The following GOLGA6L9 variants were observed in gnomAD, a reference collection of about 807,000 sequenced individuals.
GOLGA6L9 encodes golgin subfamily A member 6-like protein 9.
GOLGA6L9 carries 19 observed loss-of-function variants against 51.3 expected under a neutral mutation model. The ratio of observed to expected loss-of-function variants is 0.37; its 90% CI spans 0.26 to 0.54. GOLGA6L9 has a LOEUF of 0.54. Ranked by LOEUF, GOLGA6L9 falls within the 20% of genes least tolerant of loss-of-function variation. The probability of loss-of-function intolerance (pLI) is 0.83; values close to 1 mark genes in which losing one functional copy is unlikely to be tolerated. For synonymous variants in GOLGA6L9, 97 were observed against 184.2 expected, an observed-to-expected ratio of 0.53 and a Z score of 3.83; for missense variants, 247 against 464.1, an observed-to-expected ratio of 0.53 and a Z score of 4.30.
At chr15:82,424,422 A>C in the GOLGA6L9 span, among the ~76,000 whole-genome samples, 17 of 152,340 alleles carry the variant, frequency 1.1e-4, no homozygotes, top group Admixed American at 9.8e-4. Flanking sequence ...CAGGTGAATA[A>C]AACCTTGAGC....
Position 82,429,890 on chromosome 15 carries a change from T to G in GOLGA6L9, c.-190T>G, listed in dbSNP as rs2031347684. ...TTCCTTATGATGCTACAGGTCCCTC[T>G]GGACATGCTGCGCCTGGCCACGCCT... On this transcript the variant is annotated 5_prime_UTR_variant, in exon 1 of 9. Transcript: ENST00000618348. 1 of 770,020 alleles carries G rather than the reference T, an allele frequency of 1.3e-6. No homozygotes were observed. The highest frequency in any genetic ancestry group is 1.7e-5 in the African/African-American group (1 of 58,152). 47.7% of individuals were successfully genotyped at this position (770,020 alleles called of 1,614,324 possible).
rs1012544001 is a variant in GOLGA6L9 at position 82,438,289 on chromosome 15, G to C, written c.*1878G>C. On this transcript the variant is annotated 3_prime_UTR_variant, in exon 9 of 9. Coordinates refer to ENST00000618348, the MANE Select transcript of GOLGA6L9 (RefSeq NM_198181.4). ...ACAATAATGTGTTCATCAGGTACCT[G>C]TGGATTAAATCACATACTGGCATAT... 1.3e-5 allele frequency: 2 copies of C among 149,854 alleles called. No homozygotes were observed. Among genetic ancestry groups the C allele is most frequent in the African/African-American group, 2.5e-5 (1 of 40,608 alleles). 9.3% of individuals were successfully genotyped at this position (149,854 alleles called of 1,614,324 possible).
At chr15:82,430,309 G>A in intron 1 of GOLGA6L9, 146 bp downstream of exon 1, 1 of 306,402 alleles carries the variant, frequency 3.3e-6, no homozygotes, top group Non-Finnish European at 5.6e-6. Flanking sequence ...CCAAAGCCTA[G>A]TCAGTCAGCC....
At chr15:82,427,338 C>G (rs559398), upstream of GOLGA6L9, among the ~76,000 whole-genome samples, 1 of 105,952 alleles carries the variant, frequency 9.4e-6, no homozygotes, top group Non-Finnish European at 1.9e-5. Context: ...TTTTCTTTCT[C>G]TCTTTTTCTT....
At position 82,429,878 on chromosome 15, in the gene GOLGA6L9, T is replaced by C. The variant is rs458677; in HGVS notation, c.-202T>C. 3.2e-3 allele frequency: 2,407 copies of C among 752,258 alleles called. 76 individuals carry two copies. In the African/African-American group the frequency reaches 0.037, roughly 11 times the overall value. The allele number at this position is 752,258 out of a possible 1,614,324, so 46.6% of individuals were successfully genotyped here. A position where few individuals can be genotyped will look rare whatever the true frequency, so the allele number is the denominator to read the frequency against. On this transcript the variant is annotated 5_prime_UTR_variant, in exon 1 of 9. Coordinates refer to ENST00000618348, the MANE Select transcript of GOLGA6L9 (RefSeq NM_198181.4). Reference sequence around the variant, plus strand: ...GCATGGGCAGCTTTCCTTATGATGCTACAGGTCCCTCTGGACATGCTGCGC... The same window carrying C: ...GCATGGGCAGCTTTCCTTATGATGCCACAGGTCCCTCTGGACATGCTGCGC...
Position 82,434,022 on chromosome 15 carries a change from T to G in GOLGA6L9, c.434-12T>G, listed in dbSNP as rs1454173257. ...GAATCCAGAGGCCCTTATTCTCTGC[T>G]TGCTTTCTCAGCTGAACCCCTGGCC... On this transcript the variant is annotated splice_polypyrimidine_tract_variant and intron_variant, in intron 5 of 8. Transcript: ENST00000618348. 1.1e-5 allele frequency: 17 copies of G among 1,534,060 alleles called. No individual in the cohort carries two copies. The African/African-American group carries it at 2.1e-4, about 19-fold the overall frequency.
upstream of GOLGA6L9, among the ~76,000 whole-genome samples, chr15:82,427,665 T>C (rs1293027361): frequency 6.6e-6 from 1 of 152,074 alleles, no homozygotes; most frequent in African/African-American, 2.4e-5. Flanking sequence ...TAGCTAGGAC[T>C]ACAGCTGTGT....
In GOLGA6L9 at chr15:82,434,039, C is replaced by G; in HGVS notation, c.439C>G (p.Pro147Ala). 5 of 1,528,076 alleles carry G rather than the reference C, an allele frequency of 3.3e-6. No individual in the cohort carries two copies. The highest frequency in any genetic ancestry group is 4.3e-6 in the Non-Finnish European group (5 of 1,152,246). 94.7% of individuals were successfully genotyped at this position (1,528,076 alleles called of 1,614,324 possible). A position where few individuals can be genotyped will look rare whatever the true frequency, so the allele number is the denominator to read the frequency against. The change falls in exon 6 of 9, where the codon CCC (proline) becomes GCC (alanine). Residue 147 changes from proline (P) to alanine (A), a missense_variant. Coordinates refer to ENST00000618348, the MANE Select transcript of GOLGA6L9 (RefSeq NM_198181.4). ...LFKLKNQTAE[P>A]LAPQPPAGPS... Reference sequence around the variant, plus strand: ...TTCTCTGCTTGCTTTCTCAGCTGAACCCCTGGCCCCACAGCCCCCAGCAGG... The same window carrying G: ...TTCTCTGCTTGCTTTCTCAGCTGAAGCCCTGGCCCCACAGCCCCCAGCAGG...
the GOLGA6L9 span, among the ~76,000 whole-genome samples, chr15:82,418,077 A>G: frequency 1.3e-5 from 2 of 152,224 alleles, no homozygotes; most frequent in Non-Finnish European, 2.9e-5. Flanking sequence ...CAAGTGGGAA[A>G]GACACTTGCT....
chr15:82,436,658 T>C lies in GOLGA6L9; in HGVS notation c.*247T>C. 2 of 315,338 alleles carry C rather than the reference T, an allele frequency of 6.3e-6. No individual in the cohort carries two copies. Among genetic ancestry groups the C allele is most frequent in the Admixed American group, 9.9e-5 (2 of 20,104 alleles). The allele number at this position is 315,338 out of a possible 1,614,324, so 19.5% of individuals were successfully genotyped here. On this transcript the variant is annotated 3_prime_UTR_variant, in exon 9 of 9. Transcript: ENST00000618348. ...TTTCTAATTTATAATTTAAATTTAT[T>C]TGTAAAAAGTTAAATGAGAGTGGGT... is the stretch of plus-strand genomic sequence containing the variant.
the GOLGA6L9 span, among the ~76,000 whole-genome samples, chr15:82,416,163 G>A: frequency 6.6e-6 from 1 of 152,168 alleles, no homozygotes. Flanking sequence ...TAGGTGAAGA[G>A]TAAGCGCAAT....
At chr15:82,433,850 G>C (rs465935) in intron 5 of GOLGA6L9, among the ~76,000 whole-genome samples, 184 bp from the exon 6 acceptor site, 14,756 of 81,964 alleles carry the variant, frequency 0.18, 35 homozygotes, top group East Asian at 0.37. Flanking sequence ...CCCATTGTCA[G>C]CCACCCACAG....
rs2031771888 is a variant in GOLGA6L9 at position 82,438,065 on chromosome 15, C to T, written c.*1654C>T. 6.6e-6 allele frequency: 1 copy of T among 150,838 alleles called. No individual in the cohort carries two copies. The highest frequency in any genetic ancestry group is 1.5e-5 in the Non-Finnish European group (1 of 67,748). The allele number at this position is 150,838 out of a possible 1,614,324, so 9.3% of individuals were successfully genotyped here. A position where few individuals can be genotyped will look rare whatever the true frequency, so the allele number is the denominator to read the frequency against. On this transcript the variant is annotated 3_prime_UTR_variant, in exon 9 of 9. Transcript: ENST00000618348. Reference sequence around the variant, plus strand: ...TTACTTTAAGCCCATTTTAAACCCTCAGGCTAGAAATCGTACCACTGTTAA... The same window carrying T: ...TTACTTTAAGCCCATTTTAAACCCTTAGGCTAGAAATCGTACCACTGTTAA...
intron 5 of GOLGA6L9, 82 bp from the exon 6 acceptor site, chr15:82,433,952 G>A: frequency 1.4e-6 from 2 of 1,472,044 alleles, no homozygotes; most frequent in African/African-American, 3.1e-5. Context: ...AGCCTGAGAG[G>A]AGGAGCTGTG....
intron 3 of GOLGA6L9, 49 bp downstream of exon 3, chr15:82,432,680 A>G: frequency 1.9e-6 from 3 of 1,590,050 alleles, no homozygotes; most frequent in South Asian, 2.2e-5. Context: ...CCAGCCCTCC[A>G]ACCTCCTCCC....
rs1275164338 is a variant in GOLGA6L9 at position 82,434,503 on chromosome 15, G to A, written c.903G>A (p.Arg301=). Residue 301 remains arginine, a synonymous_variant, in exon 6 of 9, where the codon CGG becomes CGA. Coordinates refer to ENST00000618348, the MANE Select transcript of GOLGA6L9 (RefSeq NM_198181.4). The stretch of plus-strand genomic sequence containing the variant: ...GGCTGTGGCAGCAGGAGACTCTGCG[G>A]GAGCTGGAGAGGCTGCGGGAGCTGG... ...DERLWQQETL[R]ELERLRELER... is the part of the protein sequence containing the mutation. 9.5e-6 allele frequency: 15 copies of A among 1,573,728 alleles called. No individual in the cohort carries two copies. The African/African-American group carries it at 1.3e-4, about 14-fold the overall frequency.
In GOLGA6L9 at chr15:82,430,137, G is replaced by A; in HGVS notation, c.58G>A (p.Gly20Arg). ...CGCGATGTCAGAAAAAACACAACAG[G>A]GGAAATTGGCCGCAGCCAAGAAAAA... The part of the protein sequence containing the change: ...HPAMSEKTQQ[G>R]KLAAAKKKLK... Residue 20 changes from glycine (G) to arginine (R), a missense_variant, in exon 1 of 9, where the codon GGG (glycine) becomes AGG (arginine). This residue lies in a region of GOLGA6L9 where 14 missense variants were observed against 18.1 expected (regional missense o/e 0.77). Transcript: ENST00000618348. 2 of 886,898 alleles carry A rather than the reference G, an allele frequency of 2.3e-6. No homozygotes were observed. The highest frequency in any genetic ancestry group is 1.5e-5 in the South Asian group (1 of 68,710). The allele number at this position is 886,898 out of a possible 1,614,324, so 54.9% of individuals were successfully genotyped here.
chr15:82,429,901 C>T lies in GOLGA6L9; in HGVS notation c.-179C>T, dbSNP rs1383989292. On this transcript the variant is annotated 5_prime_UTR_variant, in exon 1 of 9. Transcript: ENST00000618348. ...GCTACAGGTCCCTCTGGACATGCTG[C>T]GCCTGGCCACGCCTCCTTTCCCTTT... 67 of 794,634 alleles carry T rather than the reference C, an allele frequency of 8.4e-5. No homozygotes were observed. The highest frequency in any genetic ancestry group is 7.1e-4 in the Middle Eastern group (2 of 2,802). The allele number at this position is 794,634 out of a possible 1,614,324, so 49.2% of individuals were successfully genotyped here.
the GOLGA6L9 span, among the ~76,000 whole-genome samples, chr15:82,417,280 T>TATTAGA: frequency 6.6e-6 from 1 of 152,186 alleles, no homozygotes; most frequent in Non-Finnish European, 1.5e-5. Context: ...TTACTTCAAT[T>TATTAGA]ATTAGAATTT....
Sources: gnomAD v4.1 joint callset for allele counts (sites outside exome capture counted in the v4.1 genomes callset) on GRCh38, gnomAD v4.1.1 for gene constraint, gnomAD v4.1.1 regional missense constraint, MANE v1.5 for transcripts, NCBI Gene and HGNC (gene_info 2026-07-23, HGNC 2026-07-21) for gene names.